B4GALT7: variants seen among roughly 807,000 people sequenced by gnomAD.
The protein encoded by B4GALT7 is beta-1,4-galactosyltransferase 7.
B4GALT7 carries 30 observed loss-of-function variants against 33.0 expected under a neutral mutation model. That is an observed-to-expected ratio of 0.91 (90% CI 0.68 to 1.23). B4GALT7 has a LOEUF of 1.23. Ranked by LOEUF, B4GALT7 falls within the 50% of genes most tolerant of loss-of-function variation. B4GALT7 has a pLI of 0.00. For missense variants in B4GALT7, 507 were observed against 450.8 expected (o/e 1.12, Z -1.13); for synonymous variants, 213 against 187.2 (o/e 1.14, Z -1.13).
In B4GALT7 at chr5:177,608,021, C is replaced by T; in HGVS notation, c.639+494C>T. 4.3e-6 allele frequency: 1 copy of T among 233,670 alleles called. No individual in the cohort carries two copies. Among genetic ancestry groups the T allele is most frequent in the Non-Finnish European group, 8.5e-6 (1 of 116,968 alleles). The allele number at this position is 233,670 out of a possible 1,614,324, so 14.5% of individuals were successfully genotyped here. A position where few individuals can be genotyped will look rare whatever the true frequency, so the allele number is the denominator to read the frequency against. ...CTTGAGTGCTGAGCCCACCCCTCAG[C>T]CAGTCACTGGCTGGTGGACGGGCAG... is the stretch of plus-strand genomic sequence containing the variant. On this transcript the variant is annotated intron_variant, in intron 3 of 5. Transcript: ENST00000029410. This position sits in a 1 kb window ranked among gnomAD's most constrained non-coding sequence, Gnocchi z 4.1.
In B4GALT7 at chr5:177,608,784, G is replaced by A. The variant is rs1768091352; in HGVS notation, c.724-126G>A. Reference sequence around the variant, plus strand: ...TCATCTAGCCAGTTCCTTGCCCTGTGGGCCCCAGTCTCCTCTCCTGCAGGC... The same window carrying A: ...TCATCTAGCCAGTTCCTTGCCCTGTAGGCCCCAGTCTCCTCTCCTGCAGGC... On this transcript the variant is annotated intron_variant, in intron 4 of 5. Transcript: ENST00000029410. This position sits in a 1 kb window ranked among gnomAD's most constrained non-coding sequence, Gnocchi z 4.1. 3 of 1,135,660 alleles carry A rather than the reference G, an allele frequency of 2.6e-6. No individual in the cohort carries two copies. Among genetic ancestry groups the A allele is most frequent in the Admixed American group, 1.8e-5 (1 of 55,408 alleles). 70.3% of individuals were successfully genotyped at this position (1,135,660 alleles called of 1,614,324 possible). A position where few individuals can be genotyped will look rare whatever the true frequency, so the allele number is the denominator to read the frequency against.
chr5:177,600,626 G>C lies in B4GALT7; in HGVS notation c.50+366G>C, dbSNP rs1024919417. ...TTTCTCCACCAGCCTCCCTCTATCT[G>C]CATGCGGGTCTCTGACTCCGCTGAC... On this transcript the variant is annotated intron_variant, in intron 1 of 5. Transcript: ENST00000029410. The surrounding 1 kb of genome is among the most constrained non-coding windows in gnomAD (Gnocchi z 4.4). Among the ~76,000 whole-genome samples, 3 of 152,100 alleles carry C rather than the reference G, an allele frequency of 2.0e-5. No homozygotes were observed. The highest frequency in any genetic ancestry group is 2.9e-5 in the Non-Finnish European group (2 of 68,018).
Position 177,608,791 on chromosome 5 carries a change from A to G in B4GALT7, c.724-119A>G. The G allele has an allele frequency of 8.8e-7, 1 of 1,140,982 alleles. No individual in the cohort carries two copies. 70.7% of individuals were successfully genotyped at this position (1,140,982 alleles called of 1,614,324 possible). On this transcript the variant is annotated intron_variant, in intron 4 of 5. Coordinates refer to ENST00000029410, the MANE Select transcript of B4GALT7 (RefSeq NM_007255.3). This position sits in a 1 kb window ranked among gnomAD's most constrained non-coding sequence, Gnocchi z 4.1. ...GCCAGTTCCTTGCCCTGTGGGCCCC[A>G]GTCTCCTCTCCTGCAGGCTGGGAGT...
At chr5:177,605,049 C>G (rs28473516) in intron 2 of B4GALT7, 148,075 of 454,488 alleles carry the variant, frequency 0.33, 24,600 homozygotes, top group East Asian at 0.4. Context: ...CTCTAGGTAA[C>G]TCCCACTGGA....
intron 5 of B4GALT7, 149 bp downstream of exon 5, chr5:177,609,163 G>A (rs937144153): frequency 4.2e-5 from 33 of 778,386 alleles, no homozygotes; most frequent in Admixed American, 3.1e-4. Context: ...CTTGGGCACC[G>A]TGCCCTGCTC....
In B4GALT7 at chr5:177,608,926, G is replaced by C. The variant is rs1768095607; in HGVS notation, c.740G>C (p.Gly247Ala). ...GAGLQLFRPS[G>A]ITTGYKTFRH... Reference sequence around the variant, plus strand: ...CCTCCCTAGCTTTTCCGCCCCTCGGGAATCACAACTGGGTACAAGACATTT... The same window carrying C: ...CCTCCCTAGCTTTTCCGCCCCTCGGCAATCACAACTGGGTACAAGACATTT... Residue 247 changes from glycine to alanine, a missense_variant, in exon 5 of 6, where the codon GGA (glycine) becomes GCA (alanine). Transcript: ENST00000029410. This position sits in a 1 kb window ranked among gnomAD's most constrained non-coding sequence, Gnocchi z 4.1. 1.9e-6 allele frequency: 3 copies of C among 1,613,630 alleles called. No individual in the cohort carries two copies. Among genetic ancestry groups the C allele is most frequent in the Non-Finnish European group, 2.5e-6 (3 of 1,180,002 alleles).
chr5:177,607,411 T>C lies in B4GALT7; in HGVS notation c.523T>C (p.Tyr175His). ...GCTCCCTCTCAACGAGGAGCTGGACTATGGCTTTCCTGAGGCTGGGCCCTT... is the reference window on the plus strand; with the variant it reads ...GCTCCCTCTCAACGAGGAGCTGGACCATGGCTTTCCTGAGGCTGGGCCCTT... ...DLLPLNEELD[Y>H]GFPEAGPFHV... is the part of the protein sequence containing the mutation. Residue 175 changes from tyrosine (Y) to histidine (H), a missense_variant, in exon 3 of 6, where the codon TAT becomes CAT. Coordinates refer to ENST00000029410, the MANE Select transcript of B4GALT7 (RefSeq NM_007255.3). 1 of 1,614,106 alleles carries C rather than the reference T, an allele frequency of 6.2e-7. No individual in the cohort carries two copies. Among genetic ancestry groups the C allele is most frequent in the Admixed American group, 1.7e-5 (1 of 60,026 alleles).
Position 177,604,320 on chromosome 5 carries a change from A to C in B4GALT7, c.192A>C (p.Gln64His). ...ACGTGGCCCGGGCAGTCAGGGGACA[A>C]GGGCAGGAGACCTCGGGCCCTCCCC... ...SGDVARAVRGQGQETSGPPRA... is the reference protein window; with the variant it reads ...SGDVARAVRGHGQETSGPPRA... Residue 64 changes from glutamine to histidine, a missense_variant, in exon 2 of 6, where the codon CAA becomes CAC. Transcript: ENST00000029410. The C allele has an allele frequency of 6.2e-7, 1 of 1,610,518 alleles. No homozygotes were observed. Among genetic ancestry groups the C allele is most frequent in the African/African-American group, 1.3e-5 (1 of 74,902 alleles).
At chr5:177,607,663 G>C in intron 3 of B4GALT7, 136 bp downstream of exon 3, 1 of 855,076 alleles carries the variant, frequency 1.2e-6, no homozygotes, top group Non-Finnish European at 1.8e-6. Flanking sequence ...CTTGGGAGCA[G>C]CCAGAGTGCG....
intron 2 of B4GALT7, among the ~76,000 whole-genome samples, chr5:177,605,483 A>G (rs913131737): frequency 3.9e-5 from 6 of 152,216 alleles, no homozygotes; most frequent in African/African-American, 1.4e-4. Context: ...CCTCACTCAT[A>G]GCTGACGACT....
chr5:177,607,929 T>TG, intron 3 of B4GALT7: 1 of 298,414 alleles, frequency 3.4e-6, no homozygotes, highest in South Asian at 3.4e-5. Context: ...TGGTGGGAGA[T>TG]GGGGCCCTTC....
intron 2 of B4GALT7, chr5:177,607,058 T>A: frequency 1.0e-5 from 6 of 590,092 alleles, no homozygotes; most frequent in South Asian, 9.5e-5. Context: ...TCTATTGGAA[T>A]CTCAGTTCCT....
rs77537553 is a variant in B4GALT7 at position 177,604,553 on chromosome 5, C to T, written c.413+12C>T. On this transcript the variant is annotated intron_variant, in intron 2 of 5. Transcript: ENST00000029410. The stretch of plus-strand genomic sequence containing the variant: ...GTGGACCACTTCAGGTAGCGCCCGC[C>T]CCCACCCTCTCCCCTCGGCACCCCT... The T allele has an allele frequency of 1.1e-5, 18 of 1,613,546 alleles. No individual in the cohort carries two copies. Among genetic ancestry groups the T allele is most frequent in the Non-Finnish European group, 1.5e-5 (18 of 1,179,914 alleles).
Position 177,609,852 on chromosome 5 carries a change from T to C in B4GALT7, c.*157T>C, listed in dbSNP as rs1217018150. The C allele has an allele frequency of 5.9e-6, 6 of 1,011,424 alleles. No individual in the cohort carries two copies. In the East Asian group the frequency reaches 1.0e-4, roughly 18 times the overall value. The allele number at this position is 1,011,424 out of a possible 1,614,324, so 62.7% of individuals were successfully genotyped here. A position where few individuals can be genotyped will look rare whatever the true frequency, so the allele number is the denominator to read the frequency against. ...CAGCCACCCGGCCGCCAAGGCAGGC[T>C]TGGGCTGGGCCAGGACACGTGGGGT... On this transcript the variant is annotated 3_prime_UTR_variant, in exon 6 of 6. Coordinates refer to ENST00000029410, the MANE Select transcript of B4GALT7 (RefSeq NM_007255.3).
intron 1 of B4GALT7, chr5:177,602,684 A>G (rs539983294): frequency 1.4e-5 from 3 of 208,342 alleles, no homozygotes; most frequent in African/African-American, 4.7e-5. Flanking sequence ...GGTGCCCAAC[A>G]TGAGAACATG....
At chr5:177,603,358 G>A (rs1767892448) in intron 1 of B4GALT7, 2 of 985,264 alleles carry the variant, frequency 2.0e-6, no homozygotes, top group Non-Finnish European at 2.4e-6. Flanking sequence ...AGCGGCAAAG[G>A]AATCTGGTGA....
At chr5:177,607,127 A>C in intron 2 of B4GALT7, 175 bp from the exon 3 acceptor site, 1 of 675,648 alleles carries the variant, frequency 1.5e-6, no homozygotes, top group Non-Finnish European at 2.7e-6. Flanking sequence ...GGTTTCTGGC[A>C]CATAGTGGGT....
In B4GALT7 at chr5:177,607,317, G is replaced by T; in HGVS notation, c.429G>T (p.Ala143=). ...QVDHFRFNRA[A]LINVGFLESS... Reference sequence around the variant, plus strand: ...CCCTGCACAGGTTCAACCGGGCAGCGCTCATCAACGTGGGCTTCCTGGAGA... The same window carrying T: ...CCCTGCACAGGTTCAACCGGGCAGCTCTCATCAACGTGGGCTTCCTGGAGA... Residue 143 remains alanine, a synonymous_variant, in exon 3 of 6, where the codon GCG becomes GCT. Coordinates refer to ENST00000029410, the MANE Select transcript of B4GALT7 (RefSeq NM_007255.3). 1.2e-6 allele frequency: 2 copies of T among 1,610,970 alleles called. No homozygotes were observed. The highest frequency in any genetic ancestry group is 8.5e-7 in the Non-Finnish European group (1 of 1,178,670).
Position 177,607,363 on chromosome 5 carries a change from A to C in B4GALT7, c.475A>C (p.Ile159Leu), listed in dbSNP as rs1768043712. The change falls in exon 3 of 6, where the codon ATT (isoleucine) becomes CTT (leucine). Residue 159 changes from isoleucine to leucine, a missense_variant. Physicochemically the swap from Ile to Leu is conservative, Grantham distance 5. Transcript: ENST00000029410. ...FLESSNSTDY[I>L]AMHDVDLLPL... ...GGAGAGCAGCAACAGCACGGACTAC[A>C]TTGCCATGCACGACGTTGACCTGCT... 6.2e-7 allele frequency: 1 copy of C among 1,613,938 alleles called. No homozygotes were observed. Among genetic ancestry groups the C allele is most frequent in the Non-Finnish European group, 8.5e-7 (1 of 1,180,006 alleles).
Sources: allele counts gnomAD v4.1 joint callset (sites outside exome capture counted in the v4.1 genomes callset), GRCh38; gene constraint gnomAD v4.1.1; non-coding constraint Gnocchi (gnomAD v3.1); transcripts MANE v1.5; gene names NCBI Gene and HGNC (gene_info 2026-07-23, HGNC 2026-07-21).